EMCN: variants seen among roughly 807,000 people sequenced by gnomAD.
EMCN encodes MUC-14.
A neutral mutation model predicts 38.4 loss-of-function variants in EMCN; 37 were observed. The ratio of observed to expected loss-of-function variants is 0.96; its 90% CI spans 0.74 to 1.27. The LOEUF is 1.27. EMCN is among the 50% of genes most tolerant of loss of function. The probability of loss-of-function intolerance (pLI) is 0.00; values close to 1 mark genes in which losing one functional copy is unlikely to be tolerated. For synonymous variants in EMCN, 95 were observed against 100.8 expected (o/e 0.94, Z 0.35); for missense variants, 318 against 302.8 (o/e 1.05, Z -0.37).
chr4:100,424,506 C>T (rs986890159), intron 5 of EMCN, among the ~76,000 whole-genome samples: 1 of 152,056 alleles, frequency 6.6e-6, no homozygotes, highest in African/African-American at 2.4e-5. Context: ...TCTATGACTG[C>T]CTTGGCTCAT....
chr4:100,472,286 A>G (rs1390437093), intron 3 of EMCN, among the ~76,000 whole-genome samples: 1 of 151,952 alleles, frequency 6.6e-6, no homozygotes, highest in Admixed American at 6.5e-5. Flanking sequence ...ATACTAACAT[A>G]TAAAAATAAA....
chr4:100,406,591 G>T (rs7675126), intron 11 of EMCN, among the ~76,000 whole-genome samples: 27,166 of 151,996 alleles, frequency 0.18, 3,969 homozygotes, highest in East Asian at 0.77. Context: ...TGCTGTGGTC[G>T]GAGAATGTGG....
intron 5 of EMCN, among the ~76,000 whole-genome samples, chr4:100,432,163 C>G (rs73833330): frequency 6.6e-6 from 1 of 152,036 alleles, no homozygotes; most frequent in Admixed American, 6.6e-5. Flanking sequence ...CTTTTAATCT[C>G]CTCATTAGGT....
chr4:100,477,705 G>T (rs1467898033), intron 2 of EMCN, among the ~76,000 whole-genome samples: 1 of 152,092 alleles, frequency 6.6e-6, no homozygotes, highest in African/African-American at 2.4e-5. Context: ...TCCATGTTGT[G>T]TTTTTTTGGT....
rs1024493910 is a variant in EMCN at position 100,436,734 on chromosome 4, C to T, written c.415+10799G>A. On this transcript the variant is annotated intron_variant, in intron 5 of 11. Transcript: ENST00000296420. Reference sequence around the variant, plus strand: ...TCTGGACATGGATGGAGCTGGAAGCCATTATCCTCAGCAAACGAATGCAGA... The same window carrying T: ...TCTGGACATGGATGGAGCTGGAAGCTATTATCCTCAGCAAACGAATGCAGA... Among the ~76,000 whole-genome samples the T allele has an allele frequency of 2.6e-5, 4 of 152,242 alleles. No homozygotes were observed. The South Asian group carries it at 8.3e-4, about 32-fold the overall frequency.
chr4:100,433,371 C>G (rs1354115625), intron 5 of EMCN, among the ~76,000 whole-genome samples: 1 of 152,242 alleles, frequency 6.6e-6, no homozygotes, highest in South Asian at 2.1e-4. Context: ...TTAACAGACA[C>G]TTTTAGTTTC....
intron 4 of EMCN, among the ~76,000 whole-genome samples, 162 bp from the exon 5 acceptor site, chr4:100,447,733 T>C (rs956195036): frequency 6.6e-6 from 1 of 152,112 alleles, no homozygotes; most frequent in Non-Finnish European, 1.5e-5. Context: ...TACAAGAAAC[T>C]TCAGAGAAGG....
intron 5 of EMCN, among the ~76,000 whole-genome samples, chr4:100,443,863 G>A (rs1578198185): frequency 1.3e-5 from 2 of 152,186 alleles, no homozygotes; most frequent in African/African-American, 4.8e-5. Context: ...AGAAAAAGGA[G>A]TTCTCTAGAA....
chr4:100,488,820 G>A (rs1400697965), intron 1 of EMCN, among the ~76,000 whole-genome samples: 2 of 151,886 alleles, frequency 1.3e-5, no homozygotes, highest in African/African-American at 4.8e-5. Flanking sequence ...ATACTCCTTA[G>A]TTTGTATCAA....
intron 11 of EMCN, among the ~76,000 whole-genome samples, chr4:100,402,127 C>T: frequency 6.6e-6 from 1 of 151,774 alleles, no homozygotes; most frequent in East Asian, 1.9e-4. Flanking sequence ...TATTTGCTAC[C>T]CCTCTTGTAT....
At chr4:100,485,793 G>A (rs926010955) in intron 1 of EMCN, among the ~76,000 whole-genome samples, 2 of 151,808 alleles carry the variant, frequency 1.3e-5, no homozygotes, top group African/African-American at 4.8e-5. Context: ...TTGATCCATG[G>A]CCAACCACAT....
intron 11 of EMCN, among the ~76,000 whole-genome samples, chr4:100,405,876 T>G (rs1034688392): frequency 6.6e-6 from 1 of 152,048 alleles, no homozygotes; most frequent in South Asian, 2.1e-4. Context: ...TTGGTAGGGT[T>G]TTTTTATTAC....
At chr4:100,435,091 G>C (rs1002771464) in intron 5 of EMCN, among the ~76,000 whole-genome samples, 1 of 152,138 alleles carries the variant, frequency 6.6e-6, no homozygotes, top group African/African-American at 2.4e-5. Context: ...TATTATCTTT[G>C]TTTGCAGATG....
At chr4:100,407,578 C>G (rs905597799) in intron 11 of EMCN, among the ~76,000 whole-genome samples, 4 of 152,144 alleles carry the variant, frequency 2.6e-5, no homozygotes, top group Admixed American at 1.3e-4. Context: ...AGAGTTTTGG[C>G]TGAAAGGTCC....
chr4:100,460,879 T>C (rs1728160802), intron 4 of EMCN, among the ~76,000 whole-genome samples: 1 of 152,332 alleles, frequency 6.6e-6, no homozygotes, highest in Admixed American at 6.5e-5. Flanking sequence ...CAGACTAATG[T>C]CAAGAAGCAT....
At chr4:100,414,743 TGCTC>T (rs1726666284) in intron 10 of EMCN, among the ~76,000 whole-genome samples, 1 of 152,168 alleles carries the variant, frequency 6.6e-6, no homozygotes, top group Non-Finnish European at 1.5e-5. Flanking sequence ...TTTAATATCT[TGCTC>T]TTGATTTGGG....
intron 1 of EMCN, among the ~76,000 whole-genome samples, chr4:100,499,681 A>G (rs536713014): frequency 7.2e-5 from 11 of 152,334 alleles, no homozygotes; most frequent in African/African-American, 2.6e-4. Context: ...TGTGACAAGG[A>G]CCCCATGCAG....
intron 1 of EMCN, among the ~76,000 whole-genome samples, chr4:100,480,345 A>C (rs1728773284): frequency 6.6e-6 from 1 of 152,000 alleles, no homozygotes; most frequent in Admixed American, 6.6e-5. Context: ...AACGAAACTA[A>C]CCTTGCCAGA....
chr4:100,493,890 AAT>A (rs1435279659), intron 1 of EMCN, among the ~76,000 whole-genome samples: 1 of 152,220 alleles, frequency 6.6e-6, no homozygotes, highest in East Asian at 1.9e-4. Flanking sequence ...ATTCCCTGCA[AAT>A]AGTCAGAGAC....
Sources: allele counts gnomAD v4.1 joint callset (sites outside exome capture counted in the v4.1 genomes callset), GRCh38; gene constraint gnomAD v4.1.1; transcripts MANE v1.5; gene names NCBI Gene and HGNC (gene_info 2026-07-23, HGNC 2026-07-21).